Variants in CDK6 observed in about 807,000 individuals in gnomAD.
CDK6 encodes cyclin dependent kinase 6.
In CDK6, 6 loss-of-function variants were observed where a neutral mutation model predicts 37.1. The ratio of observed to expected loss-of-function variants is 0.16; its 90% CI spans 0.09 to 0.32. The LOEUF is 0.32. Among genes scored for constraint, CDK6 ranks in the 10% least tolerant of loss-of-function variants. The probability of loss-of-function intolerance (pLI) is 1.00; values close to 1 mark genes in which losing one functional copy is unlikely to be tolerated. For synonymous variants in CDK6, 160 were observed against 161.3 expected, an observed-to-expected ratio of 0.99 and a Z score of 0.06; for missense variants, 224 against 418.9, an observed-to-expected ratio of 0.53 and a Z score of 4.06.
intron 4 of CDK6, among the ~76,000 whole-genome samples, chr7:92,675,805 G>A (rs1175591326): frequency 4.6e-5 from 7 of 152,048 alleles, no homozygotes; most frequent in Non-Finnish European, 7.4e-5. Flanking sequence ...GCCAATTTTC[G>A]TAATGATAAA....
At chr7:92,650,836 C>T (rs1046235603) in intron 5 of CDK6, among the ~76,000 whole-genome samples, 2 of 152,116 alleles carry the variant, frequency 1.3e-5, no homozygotes, top group African/African-American at 4.8e-5. Context: ...TTTGATCCTT[C>T]TCATACTTGG....
intron 3 of CDK6, among the ~76,000 whole-genome samples, chr7:92,773,282 A>T (rs1799763708): frequency 6.6e-6 from 1 of 152,232 alleles, no homozygotes; most frequent in Admixed American, 6.5e-5. Flanking sequence ...TCTAGCTATA[A>T]GAGTTGATCA....
At chr7:92,706,255 C>A (rs565987149) in intron 4 of CDK6, among the ~76,000 whole-genome samples, 1 of 152,142 alleles carries the variant, frequency 6.6e-6, no homozygotes, top group Non-Finnish European at 1.5e-5. Flanking sequence ...CTCATTTTGG[C>A]CAGCGTGGTG....
intron 4 of CDK6, among the ~76,000 whole-genome samples, chr7:92,720,274 G>T (rs1356586740): frequency 5.3e-5 from 8 of 152,198 alleles, no homozygotes; most frequent in Non-Finnish European, 5.9e-5. Flanking sequence ...GAATCTGAGA[G>T]TTCCACAGAA....
intron 4 of CDK6, among the ~76,000 whole-genome samples, chr7:92,717,672 G>A (rs780875906): frequency 6.6e-6 from 1 of 152,154 alleles, no homozygotes. Flanking sequence ...CAGTTGAACT[G>A]TTTTTGTCCA....
intron 2 of CDK6, among the ~76,000 whole-genome samples, chr7:92,786,953 G>C (rs575407385): frequency 4.6e-5 from 7 of 151,990 alleles, no homozygotes; most frequent in South Asian, 2.1e-4. Context: ...GGAGGCTGAG[G>C]GGGGTGGATC....
chr7:92,760,920 C>A (rs892508225), intron 3 of CDK6, among the ~76,000 whole-genome samples: 1 of 151,562 alleles, frequency 6.6e-6, no homozygotes, highest in Non-Finnish European at 1.5e-5. Context: ...TTTTATTGTT[C>A]ATTTCTCTAA....
chr7:92,721,775 A>C (rs1024031428), intron 4 of CDK6, among the ~76,000 whole-genome samples: 1 of 152,212 alleles, frequency 6.6e-6, no homozygotes, highest in Non-Finnish European at 1.5e-5. Context: ...ATTAATTTCT[A>C]CCAAAGGCCA....
intron 3 of CDK6, among the ~76,000 whole-genome samples, chr7:92,736,108 T>C (rs1798780622): frequency 6.6e-6 from 1 of 152,098 alleles, no homozygotes; most frequent in Admixed American, 6.5e-5. Flanking sequence ...TTCGTGGGCC[T>C]TGCTTTTCAC....
At chr7:92,655,619 G>A (rs1263623549) in intron 5 of CDK6, among the ~76,000 whole-genome samples, 2 of 152,180 alleles carry the variant, frequency 1.3e-5, no homozygotes, top group South Asian at 2.1e-4. Flanking sequence ...CATTTGGCAC[G>A]CTCTTGTTGC....
intron 7 of CDK6, 146 bp downstream of exon 7, chr7:92,617,926 G>A (rs1243746952): frequency 1.5e-6 from 1 of 646,476 alleles, no homozygotes; most frequent in Non-Finnish European, 2.5e-6. Flanking sequence ...AACCTCTGGA[G>A]GGACTGTTGC....
chr7:92,629,234 C>G (rs1377558146), intron 5 of CDK6, among the ~76,000 whole-genome samples: 1 of 152,082 alleles, frequency 6.6e-6, no homozygotes, highest in South Asian at 2.1e-4. Flanking sequence ...GTCTCTAACA[C>G]AAGTTAGAGA....
At chr7:92,718,483 A>G (rs1354371301) in intron 4 of CDK6, among the ~76,000 whole-genome samples, 1 of 152,196 alleles carries the variant, frequency 6.6e-6, no homozygotes, top group African/African-American at 2.4e-5. Flanking sequence ...AACAAGCATA[A>G]ACAATTTATT....
intron 2 of CDK6, among the ~76,000 whole-genome samples, chr7:92,787,041 G>C (rs1467391866): frequency 1.3e-5 from 2 of 152,054 alleles, no homozygotes; most frequent in Non-Finnish European, 2.9e-5. Flanking sequence ...AATTAGCTGG[G>C]TGTGGTGGCG....
chr7:92,644,089 T>C (rs937729923), intron 5 of CDK6, among the ~76,000 whole-genome samples: 2 of 152,246 alleles, frequency 1.3e-5, no homozygotes, highest in Non-Finnish European at 1.5e-5. Context: ...CTCAGTGCTA[T>C]CTGTGCAGTG....
chr7:92,833,476 T>C lies in CDK6; in HGVS notation c.-153A>G. On this transcript the variant is annotated 5_prime_UTR_variant, in exon 2 of 8. Coordinates refer to ENST00000424848, the MANE Select transcript of CDK6 (RefSeq NM_001145306.2). This position sits in a 1 kb window ranked among gnomAD's most constrained non-coding sequence, Gnocchi z 6.1. ...GGCTCAGGCGCTCGGGCGCTGGGGC[T>C]TTCGCCGCTGCAGAAGCTGGATGGA... 1.7e-6 allele frequency: 1 copy of C among 584,146 alleles called. No homozygotes were observed. Among genetic ancestry groups the C allele is most frequent in the Non-Finnish European group, 2.9e-6 (1 of 341,260 alleles). 36.2% of individuals were successfully genotyped at this position (584,146 alleles called of 1,614,324 possible).
At chr7:92,749,756 T>A (rs1799146035) in intron 3 of CDK6, among the ~76,000 whole-genome samples, 1 of 152,202 alleles carries the variant, frequency 6.6e-6, no homozygotes, top group African/African-American at 2.4e-5. Context: ...ATGCAATAAA[T>A]GTTTACCAAA....
At chr7:92,809,065 T>C (rs1480520926) in intron 2 of CDK6, among the ~76,000 whole-genome samples, 2 of 152,218 alleles carry the variant, frequency 1.3e-5, no homozygotes, top group Non-Finnish European at 2.9e-5. Flanking sequence ...TGCTATACTA[T>C]AGCTATTTCC....
chr7:92,821,955 G>A (rs1355925523), intron 2 of CDK6, among the ~76,000 whole-genome samples: 1 of 151,910 alleles, frequency 6.6e-6, no homozygotes, highest in Non-Finnish European at 1.5e-5. Flanking sequence ...GGGAATGCAT[G>A]TCAATATTTT....
Sources: gnomAD v4.1 joint callset for allele counts (sites outside exome capture counted in the v4.1 genomes callset) on GRCh38, gnomAD v4.1.1 for gene constraint, Gnocchi (gnomAD v3.1) non-coding constraint, MANE v1.5 for transcripts, NCBI Gene and HGNC (gene_info 2026-07-23, HGNC 2026-07-21) for gene names.